Variants in CNTN4 observed in about 807,000 individuals in gnomAD.
CNTN4 encodes the protein contactin-4.
Under a neutral mutation model 122.5 loss-of-function variants are expected in CNTN4, and 77 were observed. The ratio of observed to expected loss-of-function variants is 0.63; its 90% CI spans 0.52 to 0.76. CNTN4 has a LOEUF of 0.76. Ranked by LOEUF, CNTN4 falls within the 30% of genes least tolerant of loss-of-function variation. The pLI, the probability that CNTN4 is intolerant of heterozygous loss-of-function variation, is 0.00. For missense variants in CNTN4, 1,256 were observed against 1,259.1 expected, an observed-to-expected ratio of 1.00 and a Z score of 0.04; for synonymous variants, 512 against 447.0, an observed-to-expected ratio of 1.15 and a Z score of -1.83.
At chr3:2,535,017 C>G (rs1231158096) in intron 3 of CNTN4, among the ~76,000 whole-genome samples, 1 of 152,112 alleles carries the variant, frequency 6.6e-6, no homozygotes, top group Non-Finnish European at 1.5e-5. Flanking sequence ...TCTAAAGGAC[C>G]TTCTTTACAT....
chr3:2,905,845 G>C (rs963490663), intron 12 of CNTN4, among the ~76,000 whole-genome samples: 1 of 152,204 alleles, frequency 6.6e-6, no homozygotes, highest in African/African-American at 2.4e-5. Context: ...GTCCAGATCA[G>C]AATGAAATGG....
intron 2 of CNTN4, among the ~76,000 whole-genome samples, chr3:2,328,211 C>CTG (rs1402122695): frequency 6.6e-6 from 1 of 152,202 alleles, no homozygotes; most frequent in East Asian, 1.9e-4. Context: ...CGAGACCATC[C>CTG]TGGCTAACAC....
At chr3:2,826,353 C>A (rs1012037112) in intron 7 of CNTN4, among the ~76,000 whole-genome samples, 5 of 152,152 alleles carry the variant, frequency 3.3e-5, no homozygotes, top group South Asian at 2.1e-4. Flanking sequence ...CCCAGCAAAA[C>A]GTCTCTATAT....
intron 3 of CNTN4, among the ~76,000 whole-genome samples, chr3:2,428,760 C>T (rs530089238): frequency 6.6e-6 from 1 of 152,248 alleles, no homozygotes; most frequent in East Asian, 1.9e-4. Context: ...TCCTTGGAGG[C>T]TTTGTTCGTT....
At chr3:2,106,384 C>T (rs1015785325) in intron 2 of CNTN4, among the ~76,000 whole-genome samples, 17 of 152,238 alleles carry the variant, frequency 1.1e-4, no homozygotes, top group Admixed American at 9.8e-4. Flanking sequence ...CACCTCTTGC[C>T]TGGACATCCA....
chr3:2,800,599 G>T (rs1186570178), intron 6 of CNTN4, among the ~76,000 whole-genome samples: 1 of 152,156 alleles, frequency 6.6e-6, no homozygotes, highest in Non-Finnish European at 1.5e-5. Context: ...TGGTTGAAGA[G>T]AATCGAGTTG....
At chr3:3,043,774 T>C in intron 23 of CNTN4, 70 bp downstream of exon 23, 2 of 976,816 alleles carry the variant, frequency 2.0e-6, no homozygotes, top group South Asian at 1.3e-5. Flanking sequence ...CCATGAATTA[T>C]ACAGTTGTCT....
At chr3:2,819,093 C>G (rs928357652) in intron 6 of CNTN4, among the ~76,000 whole-genome samples, 1 of 152,154 alleles carries the variant, frequency 6.6e-6, no homozygotes, top group African/African-American at 2.4e-5. Flanking sequence ...GTTTCTTCAC[C>G]TAGACCTGCA....
rs2090663230 is a variant in CNTN4 at position 2,763,001 on chromosome 3, G to C, written c.358+17304G>C. 2.1e-5 allele frequency among the ~76,000 whole-genome samples: 3 copies of C among 145,198 alleles called. No homozygotes were observed. In the South Asian group the frequency reaches 6.5e-4, roughly 32 times the overall value. On this transcript the variant is annotated intron_variant, in intron 6 of 24. Coordinates refer to ENST00000418658, the MANE Select transcript of CNTN4 (RefSeq NM_175607.3). ...GTGTCGCGCAGGCTGGAGTGCAGTGGCTCGATCTCAGCTCTCCACAAGCTC... is the reference window on the plus strand; with the variant it reads ...GTGTCGCGCAGGCTGGAGTGCAGTGCCTCGATCTCAGCTCTCCACAAGCTC...
intron 3 of CNTN4, among the ~76,000 whole-genome samples, chr3:2,379,395 A>T (rs1290738801): frequency 6.6e-6 from 1 of 152,122 alleles, no homozygotes; most frequent in East Asian, 1.9e-4. Context: ...CTGGGTACTG[A>T]TCCCACTCTG....
At chr3:2,772,448 T>C (rs1407376504) in intron 6 of CNTN4, among the ~76,000 whole-genome samples, 4 of 151,538 alleles carry the variant, frequency 2.6e-5, no homozygotes, top group African/African-American at 9.7e-5. Context: ...AAAAAGATCA[T>C]AGAATGACTT....
rs764676905 is a variant in CNTN4, at chr3:2,403,895, C to T, written c.-89+64662C>T. ...CTTTCTGCTCTATCATTATGCTGCT[C>T]TTTAGAAAATGGGTATAGTAAGGTT... On this transcript the variant is annotated intron_variant, in intron 3 of 24. Coordinates refer to ENST00000418658, the MANE Select transcript of CNTN4 (RefSeq NM_175607.3). 7.2e-5 allele frequency among the ~76,000 whole-genome samples: 11 copies of T among 152,202 alleles called. 1 individual carries two copies. Among genetic ancestry groups the T allele is most frequent in the Non-Finnish European group, 1.0e-4 (7 of 68,008 alleles).
chr3:2,920,895 A>T (rs1310779314), intron 12 of CNTN4, among the ~76,000 whole-genome samples: 1 of 152,232 alleles, frequency 6.6e-6, no homozygotes, highest in Non-Finnish European at 1.5e-5. Context: ...GAAACAGGGC[A>T]TTCAGTGAAT....
At chr3:2,787,514 A>G (rs984044926) in intron 6 of CNTN4, among the ~76,000 whole-genome samples, 17 of 152,238 alleles carry the variant, frequency 1.1e-4, no homozygotes, top group African/African-American at 3.9e-4. Flanking sequence ...CATAGTGTTT[A>G]TTTGGTCAGT....
chr3:2,651,858 C>T (rs1447525073), intron 4 of CNTN4, among the ~76,000 whole-genome samples: 20 of 151,830 alleles, frequency 1.3e-4, no homozygotes, highest in Admixed American at 1.3e-3. Flanking sequence ...CACCTGCCAC[C>T]ACTCCTGGCT....
intron 4 of CNTN4, among the ~76,000 whole-genome samples, chr3:2,624,713 C>G (rs1014867054): frequency 6.8e-6 from 1 of 147,464 alleles, no homozygotes; most frequent in Non-Finnish European, 1.5e-5. Context: ...CACACTGCAA[C>G]CTCCGCCTCC....
At chr3:2,968,768 G>A (rs570367879) in intron 13 of CNTN4, among the ~76,000 whole-genome samples, 1 of 152,202 alleles carries the variant, frequency 6.6e-6, no homozygotes, top group Admixed American at 6.5e-5. Context: ...ACAAGGAGGT[G>A]GACAGTTATA....
At chr3:2,821,607 G>A (rs75245733) in intron 7 of CNTN4, among the ~76,000 whole-genome samples, 4,979 of 152,242 alleles carry the variant, frequency 0.033, 285 homozygotes, top group African/African-American at 0.11. Context: ...AATTTTACTA[G>A]TAAGGGAGAA....
intron 3 of CNTN4, among the ~76,000 whole-genome samples, chr3:2,478,890 A>G (rs1227299673): frequency 7.2e-5 from 11 of 152,128 alleles, no homozygotes; most frequent in Admixed American, 5.9e-4. Context: ...GCTGCAATGA[A>G]CATATTTAGC....
Sources: allele counts gnomAD v4.1 joint callset (sites outside exome capture counted in the v4.1 genomes callset), GRCh38; gene constraint gnomAD v4.1.1; transcripts MANE v1.5; gene names NCBI Gene and HGNC (gene_info 2026-07-23, HGNC 2026-07-21).